TEX9: variants seen among roughly 807,000 people sequenced by gnomAD.
The protein encoded by TEX9 is testis expressed 9.
In TEX9, 74 loss-of-function variants were observed where a neutral mutation model predicts 59.6. The ratio of observed to expected loss-of-function variants is 1.24; its 90% confidence interval spans 1.03 to 1.51. The LOEUF (loss-of-function observed/expected upper bound fraction) is 1.51, where lower values mean the gene tolerates loss of function less well. Ranked by LOEUF, TEX9 falls within the 40% of genes most tolerant of loss-of-function variation. The probability of loss-of-function intolerance (pLI) is 0.00; values close to 1 mark genes in which losing one functional copy is unlikely to be tolerated. For synonymous variants in TEX9, 186 were observed against 152.2 expected (o/e 1.22, Z -1.64); for missense variants, 522 against 447.8 (o/e 1.17, Z -1.49).
chr15:56,336,036 A>G (rs554175256), intron 1 of TEX9, among the ~76,000 whole-genome samples: 22 of 152,344 alleles, frequency 1.4e-4, no homozygotes, highest in Non-Finnish European at 2.9e-4. Flanking sequence ...TTTTACCTGC[A>G]TAAAGTCCAG....
chr15:56,425,902 C>T (rs1309827879), intron 10 of TEX9, among the ~76,000 whole-genome samples: 2 of 152,092 alleles, frequency 1.3e-5, no homozygotes, highest in African/African-American at 4.8e-5. Context: ...GTCTTGAGGT[C>T]CTCTCAAACC....
intron 3 of TEX9, among the ~76,000 whole-genome samples, chr15:56,379,583 G>A (rs1258246578): frequency 6.6e-6 from 1 of 152,208 alleles, no homozygotes; most frequent in Non-Finnish European, 1.5e-5. Context: ...TGCAGATTAA[G>A]TCTGATGTTT....
intron 1 of TEX9, among the ~76,000 whole-genome samples, chr15:56,255,589 A>G (rs1371782077): frequency 6.6e-6 from 1 of 152,122 alleles, no homozygotes; most frequent in Non-Finnish European, 1.5e-5. Flanking sequence ...TAACAATGTT[A>G]GACAAAAAAG....
chr15:56,282,249 AC>A (rs750814220), intron 1 of TEX9, among the ~76,000 whole-genome samples: 2 of 152,194 alleles, frequency 1.3e-5, no homozygotes, highest in Non-Finnish European at 2.9e-5. Context: ...ATCACTTAAA[AC>A]GTCACAATCA....
intron 1 of TEX9, among the ~76,000 whole-genome samples, chr15:56,342,454 T>C (rs1176010448): frequency 6.6e-6 from 1 of 151,956 alleles, no homozygotes; most frequent in Non-Finnish European, 1.5e-5. Flanking sequence ...AAGAAACTTC[T>C]ATCAACCTGT....
At chr15:56,358,815 G>A (rs566390668) in intron 1 of TEX9, among the ~76,000 whole-genome samples, 5 of 152,170 alleles carry the variant, frequency 3.3e-5, no homozygotes, top group African/African-American at 9.6e-5. Context: ...TGCTGTTCTC[G>A]TGATAGTGAG....
intron 1 of TEX9, among the ~76,000 whole-genome samples, chr15:56,270,742 C>T (rs1455438103): frequency 2.6e-5 from 4 of 152,308 alleles, no homozygotes; most frequent in African/African-American, 2.4e-5. Context: ...ATGGTCTTTA[C>T]AATTTGGCAC....
At chr15:56,260,779 C>G (rs1208174566) in intron 1 of TEX9, among the ~76,000 whole-genome samples, 3 of 151,828 alleles carry the variant, frequency 2.0e-5, no homozygotes, top group Admixed American at 6.6e-5. Flanking sequence ...TAGGAGGAAG[C>G]GTTTTTTCTT....
At chr15:56,254,575 G>C (rs925866055) in intron 1 of TEX9, among the ~76,000 whole-genome samples, 1 of 151,152 alleles carries the variant, frequency 6.6e-6, no homozygotes. Flanking sequence ...ATCACAAGTT[G>C]ACCCACATCA....
At chr15:56,248,127 C>A (rs1214391993) in intron 1 of TEX9, among the ~76,000 whole-genome samples, 3 of 152,026 alleles carry the variant, frequency 2.0e-5, no homozygotes, top group African/African-American at 7.3e-5. Context: ...TTCTTTCAGT[C>A]TTTAATAGCA....
chr15:56,430,496 A>T (rs1163676984), intron 12 of TEX9, among the ~76,000 whole-genome samples: 1 of 152,168 alleles, frequency 6.6e-6, no homozygotes, highest in African/African-American at 2.4e-5. Flanking sequence ...ATGAGTTGCC[A>T]TGCCCAGCCA....
In TEX9 at chr15:56,426,626, T is replaced by TATAC. The variant is rs1214988827; in HGVS notation, c.964-978_964-977insTACA. 2.2e-3 allele frequency among the ~76,000 whole-genome samples: 102 copies of TATAC among 47,148 alleles called. 2 individuals carry two copies. Among genetic ancestry groups the TATAC allele is most frequent in the African/African-American group, 4.9e-3 (93 of 18,822 alleles). The allele number at this position is 47,148 out of a possible 152,430, so 30.9% of individuals were successfully genotyped here. On this transcript the variant is annotated intron_variant, in intron 10 of 12. Transcript: ENST00000352903. Reference sequence around the variant, plus strand: ...ATATATATATATATATATATATATATACACACACACAAACACACACACACA... The same window carrying TATAC: ...ATATATATATATATATATATATATATATACACACACACACAAACACACACACACA...
chr15:56,385,207 T>C (rs183549007), intron 4 of TEX9, among the ~76,000 whole-genome samples: 1 of 152,204 alleles, frequency 6.6e-6, no homozygotes, highest in Non-Finnish European at 1.5e-5. Context: ...TCCATTGATC[T>C]ATATGGTTGT....
chr15:56,337,156 A>G (rs1187258043), intron 1 of TEX9, among the ~76,000 whole-genome samples: 2 of 152,168 alleles, frequency 1.3e-5, no homozygotes, highest in Non-Finnish European at 1.5e-5. Flanking sequence ...CCAAATCCTG[A>G]CATTACACTT....
At chr15:56,379,498 G>A (rs1233152037) in intron 3 of TEX9, among the ~76,000 whole-genome samples, 1 of 152,182 alleles carries the variant, frequency 6.6e-6, no homozygotes, top group Admixed American at 6.5e-5. Context: ...TATACATGCT[G>A]AGGAGAATAA....
At chr15:56,460,009 A>AAAAAAAAAATATATATATATAT in the TEX9 span, among the ~76,000 whole-genome samples, 3 of 26,380 alleles carry the variant, frequency 1.1e-4, no homozygotes, top group Non-Finnish European at 2.1e-4. Context: ...AAAAAAAAAA[A>AAAAAAAAAATATATATATATAT]ATACATATAT....
chr15:56,372,337 G>A (rs2047228281), intron 2 of TEX9, among the ~76,000 whole-genome samples: 3 of 151,644 alleles, frequency 2.0e-5, no homozygotes, highest in African/African-American at 4.8e-5. Context: ...TTTCCCTGGG[G>A]GTGGAGATGG....
At chr15:56,394,635 C>T (rs2048368930) in intron 8 of TEX9, 26 bp from the exon 9 acceptor site, 1 of 1,447,152 alleles carries the variant, frequency 6.9e-7, no homozygotes, top group African/African-American at 1.5e-5. Flanking sequence ...TATTTTTTCA[C>T]ATAATCTATA....
intron 1 of TEX9, among the ~76,000 whole-genome samples, chr15:56,293,338 C>G (rs577265803): frequency 1.3e-5 from 2 of 151,346 alleles, no homozygotes; most frequent in Non-Finnish European, 2.9e-5. Flanking sequence ...CCCCATCAGA[C>G]GCACAAAAAA....
Sources: gnomAD v4.1 joint callset for allele counts (sites outside exome capture counted in the v4.1 genomes callset) on GRCh38, gnomAD v4.1.1 for gene constraint, MANE v1.5 for transcripts, NCBI Gene and HGNC (gene_info 2026-07-23, HGNC 2026-07-21) for gene names.